SLC4A10: variants seen among roughly 807,000 people sequenced by gnomAD.
The protein encoded by SLC4A10 is sodium-driven chloride bicarbonate exchanger.
Under a neutral mutation model 137.7 loss-of-function variants are expected in SLC4A10, and 42 were observed. That is an observed-to-expected ratio of 0.30 (90% CI 0.24 to 0.39). The LOEUF is 0.39. Ranked by LOEUF, SLC4A10 falls within the 10% of genes least tolerant of loss-of-function variation. The pLI is 1.00. For missense variants in SLC4A10, 925 were observed against 1,355.0 expected, an observed-to-expected ratio of 0.68 and a Z score of 4.98; for synonymous variants, 474 against 464.1, an observed-to-expected ratio of 1.02 and a Z score of -0.27.
intron 1 of SLC4A10, among the ~76,000 whole-genome samples, chr2:161,770,638 A>G (rs571725270): frequency 2.9e-4 from 44 of 152,066 alleles, no homozygotes; most frequent in African/African-American, 9.9e-4. Flanking sequence ...TCTTGTTAAC[A>G]AGAATTCTTT....
chr2:161,678,574 T>C (rs2040510694), intron 1 of SLC4A10, among the ~76,000 whole-genome samples: 1 of 152,134 alleles, frequency 6.6e-6, no homozygotes, highest in South Asian at 2.1e-4. Flanking sequence ...CTGATCAAGG[T>C]ATACAACTTT....
chr2:161,774,566 G>A (rs1405183978), intron 2 of SLC4A10, among the ~76,000 whole-genome samples: 3 of 151,718 alleles, frequency 2.0e-5, no homozygotes, highest in Admixed American at 6.6e-5. Flanking sequence ...GAAAGGAGCT[G>A]CCTCTTGCCT....
At chr2:161,762,606 G>A (rs945668366) in intron 1 of SLC4A10, among the ~76,000 whole-genome samples, 1 of 151,834 alleles carries the variant, frequency 6.6e-6, no homozygotes, top group Non-Finnish European at 1.5e-5. Context: ...TCTTAATTTT[G>A]TAATGTAACA....
intron 1 of SLC4A10, among the ~76,000 whole-genome samples, chr2:161,646,568 T>C (rs918820291): frequency 6.6e-6 from 1 of 152,018 alleles, no homozygotes; most frequent in African/African-American, 2.4e-5. Context: ...TTTATACCTA[T>C]ACTTTAGAGC....
At chr2:161,736,740 G>T (rs750263529) in intron 1 of SLC4A10, among the ~76,000 whole-genome samples, 4 of 152,110 alleles carry the variant, frequency 2.6e-5, no homozygotes, top group Non-Finnish European at 5.9e-5. Context: ...TGAGATTTGG[G>T]TGGGGACACA....
At chr2:161,710,385 C>T (rs2044146385) in intron 1 of SLC4A10, among the ~76,000 whole-genome samples, 2 of 151,772 alleles carry the variant, frequency 1.3e-5, no homozygotes, top group African/African-American at 4.8e-5. Flanking sequence ...TATTCCTGAC[C>T]TTTCAAGAGA....
At chr2:161,661,983 G>GA (rs1035475685) in intron 1 of SLC4A10, among the ~76,000 whole-genome samples, 1 of 152,070 alleles carries the variant, frequency 6.6e-6, no homozygotes, top group Non-Finnish European at 1.5e-5. Flanking sequence ...AGTAGTTTCA[G>GA]AAAATACGCT....
intron 1 of SLC4A10, among the ~76,000 whole-genome samples, chr2:161,639,583 TA>T (rs1373702978): frequency 6.6e-6 from 1 of 152,106 alleles, no homozygotes; most frequent in Admixed American, 6.6e-5. Flanking sequence ...CCCTTTGTGA[TA>T]AAAACCCTCC....
intron 1 of SLC4A10, among the ~76,000 whole-genome samples, chr2:161,711,276 G>C (rs1234240020): frequency 2.0e-5 from 3 of 151,790 alleles, no homozygotes; most frequent in African/African-American, 7.3e-5. Flanking sequence ...ATAGAGACTT[G>C]ATCAATCCTG....
intron 15 of SLC4A10, among the ~76,000 whole-genome samples, chr2:161,938,615 G>A (rs960124865): frequency 3.3e-5 from 5 of 150,670 alleles, no homozygotes; most frequent in African/African-American, 1.2e-4. Context: ...AAATATCTTG[G>A]GCATATAATT....
At chr2:161,977,257 A>G (rs1699527177) in intron 25 of SLC4A10, 1 of 343,868 alleles carries the variant, frequency 2.9e-6, no homozygotes, top group African/African-American at 2.1e-5. Flanking sequence ...TGTATTTTAT[A>G]TTTATATTTT....
intron 11 of SLC4A10, among the ~76,000 whole-genome samples, chr2:161,900,152 T>C (rs900043137): frequency 1.3e-5 from 2 of 152,116 alleles, no homozygotes; most frequent in African/African-American, 2.4e-5. Flanking sequence ...GGTAGAACTT[T>C]CTGATTTTTT....
rs773216821 is a variant in SLC4A10, at chr2:161,905,635, C to T, written c.1752-7C>T. 6.3e-6 allele frequency: 10 copies of T among 1,578,628 alleles called. No individual in the cohort carries two copies. In the South Asian group the frequency reaches 1.1e-4, roughly 17 times the overall value. ...TTTTCACTGTTCTTTCCTTTTCCTC[C>T]TCCCAGAGAATATGGGCTGTCATAC... On this transcript the variant is annotated splice_region_variant and splice_polypyrimidine_tract_variant and intron_variant, in intron 14 of 26. Coordinates refer to ENST00000446997, the MANE Select transcript of SLC4A10 (RefSeq NM_001178015.2).
intron 26 of SLC4A10, among the ~76,000 whole-genome samples, chr2:161,978,755 A>G (rs1242222524): frequency 1.3e-5 from 2 of 152,216 alleles, no homozygotes; most frequent in South Asian, 2.1e-4. Context: ...ACAAATGAAG[A>G]TAATATATTA....
At chr2:161,977,642 ATAAT>A in intron 25 of SLC4A10, 76 bp from the exon 26 acceptor site, 1 of 1,217,542 alleles carries the variant, frequency 8.2e-7, no homozygotes, top group Non-Finnish European at 1.2e-6. Context: ...AGTGTTTACT[ATAAT>A]TATAAAGTTC....
chr2:161,923,776 TAACA>T (rs1455194184), intron 15 of SLC4A10, among the ~76,000 whole-genome samples: 1 of 151,854 alleles, frequency 6.6e-6, no homozygotes, highest in Non-Finnish European at 1.5e-5. Flanking sequence ...TATACATATG[TAACA>T]AACCTGCACA....
At chr2:161,882,583 A>T (rs929002209) in intron 10 of SLC4A10, 139 bp downstream of exon 10, 6 of 476,514 alleles carry the variant, frequency 1.3e-5, no homozygotes, top group African/African-American at 1.2e-4. Flanking sequence ...CTGCTATAAA[A>T]TCTCCTTTAG....
chr2:161,649,310 G>A (rs111240024), intron 1 of SLC4A10, among the ~76,000 whole-genome samples: 2,938 of 152,300 alleles, frequency 0.019, 39 homozygotes, highest in Non-Finnish European at 0.032. Context: ...GCAGTGAGCC[G>A]AGATTGTGCC....
intron 1 of SLC4A10, among the ~76,000 whole-genome samples, chr2:161,739,935 T>A (rs1446559725): frequency 1.3e-5 from 2 of 152,154 alleles, no homozygotes; most frequent in African/African-American, 4.8e-5. Flanking sequence ...ACCTCTCAAA[T>A]TTCCATAGGG....
Sources: gnomAD v4.1 joint callset for allele counts (sites outside exome capture counted in the v4.1 genomes callset) on GRCh38, gnomAD v4.1.1 for gene constraint, MANE v1.5 for transcripts, NCBI Gene and HGNC (gene_info 2026-07-23, HGNC 2026-07-21) for gene names.